The following TNR variants were observed in gnomAD, a reference collection of about 807,000 sequenced individuals.
The protein encoded by TNR is tenascin-R.
Under a neutral mutation model 150.4 loss-of-function variants are expected in TNR, and 45 were observed. The ratio of observed to expected loss-of-function variants is 0.30; its 90% CI spans 0.24 to 0.38. The LOEUF (loss-of-function observed/expected upper bound fraction) is 0.38, where lower values mean the gene tolerates loss of function less well. Ranked by LOEUF, TNR falls within the 10% of genes least tolerant of loss-of-function variation. The probability of loss-of-function intolerance (pLI) is 1.00; values close to 1 mark genes in which losing one functional copy is unlikely to be tolerated. For missense variants in TNR, 1,544 were observed against 1,759.1 expected (o/e 0.88, Z 2.19); for synonymous variants, 687 against 678.4 (o/e 1.01, Z -0.20).
chr1:175,388,783 C>T (rs1386617350), intron 7 of TNR, among the ~76,000 whole-genome samples: 1 of 152,118 alleles, frequency 6.6e-6, no homozygotes, highest in African/African-American at 2.4e-5. Context: ...GACATTTTTT[C>T]TTAAATGAAA....
At chr1:175,341,826 T>C (rs1243023436) in intron 18 of TNR, among the ~76,000 whole-genome samples, 3 of 152,204 alleles carry the variant, frequency 2.0e-5, no homozygotes, top group Non-Finnish European at 4.4e-5. Context: ...CCTCTGGTTA[T>C]CAACACTTAG....
intron 1 of TNR, among the ~76,000 whole-genome samples, chr1:175,738,948 G>A (rs372930130): frequency 9.9e-5 from 15 of 152,132 alleles, no homozygotes; most frequent in African/African-American, 2.9e-4. Flanking sequence ...CGCTTCTGCC[G>A]AATCATCTAC....
intron 1 of TNR, among the ~76,000 whole-genome samples, chr1:175,659,265 A>G (rs1665287654): frequency 6.6e-6 from 1 of 152,240 alleles, no homozygotes; most frequent in Non-Finnish European, 1.5e-5. Context: ...GCAGCTGAGG[A>G]CAGGGGAAGA....
intron 21 of TNR, among the ~76,000 whole-genome samples, chr1:175,327,375 C>A (rs992284615): frequency 2.6e-5 from 4 of 152,120 alleles, no homozygotes; most frequent in African/African-American, 9.7e-5. Context: ...TCTTAATTTC[C>A]AACATTAGTC....
chr1:175,380,988 G>A (rs552589485), intron 8 of TNR, among the ~76,000 whole-genome samples: 17 of 152,360 alleles, frequency 1.1e-4, no homozygotes, highest in African/African-American at 3.8e-4. Flanking sequence ...GCTTTGGAGT[G>A]AGAAGTGTTC....
intron 1 of TNR, among the ~76,000 whole-genome samples, chr1:175,621,509 T>C (rs768837848): frequency 1.3e-5 from 2 of 152,220 alleles, no homozygotes; most frequent in Non-Finnish European, 2.9e-5. Context: ...GATGTATCTA[T>C]CTAAATTATA....
At chr1:175,480,002 C>A (rs949369893) in intron 2 of TNR, among the ~76,000 whole-genome samples, 2 of 151,994 alleles carry the variant, frequency 1.3e-5, no homozygotes, top group African/African-American at 4.8e-5. Flanking sequence ...GGTGGTGATA[C>A]CAGCCAAGTA....
chr1:175,449,035 C>T (rs779791212), intron 2 of TNR, among the ~76,000 whole-genome samples: 16 of 152,162 alleles, frequency 1.1e-4, no homozygotes, highest in Non-Finnish European at 1.8e-4. Context: ...ATCAGCCTAC[C>T]GGCATTGCCA....
intron 1 of TNR, among the ~76,000 whole-genome samples, chr1:175,553,817 A>ACACACACACACAC (rs1553238669): frequency 1.7e-4 from 24 of 145,386 alleles, no homozygotes; most frequent in South Asian, 4.5e-4. Context: ...TACAAGAACA[A>ACACACACACACAC]ACACACACAC....
chr1:175,343,914 C>T (rs1650645821), intron 18 of TNR, among the ~76,000 whole-genome samples: 2 of 152,238 alleles, frequency 1.3e-5, no homozygotes, highest in South Asian at 4.2e-4. Flanking sequence ...AGGCAGGCCT[C>T]GAGTACAAGA....
chr1:175,622,434 A>T (rs1271723984), intron 1 of TNR, among the ~76,000 whole-genome samples: 1 of 152,190 alleles, frequency 6.6e-6, no homozygotes, highest in Admixed American at 6.5e-5. Context: ...TTCCACATCA[A>T]GCCCCGTGGG....
chr1:175,406,414 A>T lies in TNR; in HGVS notation c.301T>A (p.Tyr101Asn). The T allele has an allele frequency of 1.2e-6, 2 of 1,613,750 alleles. No individual in the cohort carries two copies. Among genetic ancestry groups the T allele is most frequent in the Non-Finnish European group, 1.7e-6 (2 of 1,179,932 alleles). ...VSAEDETLAEYMGQTSDHESQ... is the reference protein window; with the variant it reads ...VSAEDETLAENMGQTSDHESQ... ...TCGTGGTCTGAGGTCTGGCCCATGT[A>T]CTCTGCCAGAGTCTCGTCTTCTGCA... Residue 101 changes from tyrosine to asparagine, a missense_variant, in exon 3 of 23, where the codon TAC becomes AAC. Physicochemically the swap from Tyr to Asn is moderately radical, Grantham distance 143. This residue lies in a region of TNR where 1,254 missense variants were observed against 1,329.4 expected (regional missense o/e 0.94). Transcript: ENST00000367674.
intron 1 of TNR, among the ~76,000 whole-genome samples, chr1:175,658,873 G>T (rs1355530123): frequency 6.6e-6 from 1 of 152,188 alleles, no homozygotes; most frequent in African/African-American, 2.4e-5. Flanking sequence ...AGAAAACCAA[G>T]TCTAAAGCAC....
At chr1:175,532,386 G>T (rs1324794337) in intron 1 of TNR, among the ~76,000 whole-genome samples, 3 of 152,142 alleles carry the variant, frequency 2.0e-5, no homozygotes, top group Non-Finnish European at 4.4e-5. Flanking sequence ...CCCATATTCT[G>T]CTTCTAAATA....
At chr1:175,545,597 C>T (rs1304735715) in intron 1 of TNR, among the ~76,000 whole-genome samples, 1 of 152,132 alleles carries the variant, frequency 6.6e-6, no homozygotes, top group Non-Finnish European at 1.5e-5. Flanking sequence ...ATAATGATAG[C>T]AAACACATAG....
intron 1 of TNR, among the ~76,000 whole-genome samples, chr1:175,654,154 C>A (rs1665099299): frequency 6.6e-6 from 1 of 152,152 alleles, no homozygotes; most frequent in South Asian, 2.1e-4. Context: ...AGTATTTCTG[C>A]AAATATCCTC....
Position 175,443,132 on chromosome 1 carries a change from T to C in TNR, c.-63-36355A>G, listed in dbSNP as rs117493073. On this transcript the variant is annotated intron_variant, in intron 2 of 22. Transcript: ENST00000367674. ...GTAATTTAGAAAAAGCCCCATAAAG[T>C]CATTTGACTTTTTCTGCCAATTGCC... is the stretch of plus-strand genomic sequence containing the variant. Among the ~76,000 whole-genome samples the C allele has an allele frequency of 4.7e-3, 720 of 152,284 alleles. 1 individual carries two copies. The highest frequency in any genetic ancestry group is 8.0e-3 in the Non-Finnish European group (546 of 68,020).
intron 1 of TNR, among the ~76,000 whole-genome samples, chr1:175,667,800 G>A (rs1019495802): frequency 2.0e-5 from 3 of 152,172 alleles, no homozygotes; most frequent in Non-Finnish European, 4.4e-5. Flanking sequence ...CTCTTGGTCA[G>A]ATACACTTTT....
At chr1:175,734,032 T>G (rs762994565) in intron 1 of TNR, among the ~76,000 whole-genome samples, 23 of 152,188 alleles carry the variant, frequency 1.5e-4, no homozygotes, top group Admixed American at 1.5e-3. Context: ...CAGCCAGGGA[T>G]TGCTGGTGAC....
Sources: gnomAD v4.1 joint callset for allele counts (sites outside exome capture counted in the v4.1 genomes callset) on GRCh38, gnomAD v4.1.1 for gene constraint, gnomAD v4.1.1 regional missense constraint, MANE v1.5 for transcripts, NCBI Gene and HGNC (gene_info 2026-07-23, HGNC 2026-07-21) for gene names.